The following RGS7 variants were observed in gnomAD, a reference collection of about 807,000 sequenced individuals.
RGS7 encodes the protein regulator of G-protein signaling 7.
A neutral mutation model predicts 81.1 loss-of-function variants in RGS7; 27 were observed. The observed-to-expected ratio is 0.33, with a 90% CI of 0.25 to 0.46. The LOEUF is 0.46. RGS7 is among the 20% of genes least tolerant of loss of function. The pLI is 1.00. For synonymous variants in RGS7, 208 were observed against 207.7 expected (o/e 1.00, Z -0.01); for missense variants, 396 against 607.4 (o/e 0.65, Z 3.66).
intron 3 of RGS7, among the ~76,000 whole-genome samples, chr1:241,057,017 T>C (rs371123442): frequency 6.6e-6 from 1 of 152,128 alleles, no homozygotes; most frequent in Non-Finnish European, 1.5e-5. Context: ...ACACCGTTGA[T>C]ATATGACTAT....
intron 2 of RGS7, among the ~76,000 whole-genome samples, chr1:241,263,262 G>C (rs2148295977): frequency 6.6e-6 from 1 of 152,130 alleles, no homozygotes; most frequent in East Asian, 1.9e-4. Flanking sequence ...GGGTGACAGA[G>C]CCAGACTCCA....
intron 6 of RGS7, 105 bp from the exon 7 acceptor site, chr1:240,870,224 G>T: frequency 1.1e-6 from 1 of 934,332 alleles, no homozygotes. Flanking sequence ...TTCCCAAGTT[G>T]TAATTTTTGA....
intron 2 of RGS7, among the ~76,000 whole-genome samples, chr1:241,109,623 C>T (rs535839335): frequency 6.6e-6 from 1 of 152,090 alleles, no homozygotes; most frequent in Non-Finnish European, 1.5e-5. Context: ...ACCAACAGGA[C>T]GTATTACTTT....
chr1:240,776,705 G>T (rs983881879), intron 18 of RGS7, among the ~76,000 whole-genome samples: 21 of 152,240 alleles, frequency 1.4e-4, no homozygotes, highest in Middle Eastern at 3.4e-3. Context: ...TAAATAAAAT[G>T]CAGTTTTTGA....
intron 2 of RGS7, among the ~76,000 whole-genome samples, chr1:241,238,150 G>T (rs571655891): frequency 6.6e-6 from 1 of 152,282 alleles, no homozygotes; most frequent in South Asian, 2.1e-4. Context: ...GTGAGGAAGT[G>T]TTGTGCAGGT....
intron 9 of RGS7, among the ~76,000 whole-genome samples, chr1:240,841,770 T>C (rs1044768713): frequency 9.2e-5 from 14 of 152,184 alleles, no homozygotes; most frequent in Admixed American, 3.3e-4. Context: ...CATTCAACCT[T>C]AGCTCGAATG....
At chr1:240,810,445 CTTT>C (rs5782164) in intron 14 of RGS7, among the ~76,000 whole-genome samples, 51,220 of 124,192 alleles carry the variant, frequency 0.41, 10,429 homozygotes, top group Non-Finnish European at 0.51. Context: ...TTAATGCATT[CTTT>C]TTTTTTTTTT....
intron 3 of RGS7, chr1:240,998,919 T>C (rs1174342935): frequency 5.5e-6 from 2 of 362,036 alleles, no homozygotes; most frequent in Non-Finnish European, 1.1e-5. Flanking sequence ...CTTTCATAAC[T>C]CCAATGGCAC....
At chr1:241,046,904 T>C (rs2148791054) in intron 3 of RGS7, among the ~76,000 whole-genome samples, 1 of 152,248 alleles carries the variant, frequency 6.6e-6, no homozygotes, top group Non-Finnish European at 1.5e-5. Context: ...AAATGTTACG[T>C]TCTACTGCCC....
chr1:240,782,510 C>T (rs1279292370), intron 18 of RGS7, among the ~76,000 whole-genome samples: 3 of 152,136 alleles, frequency 2.0e-5, no homozygotes, highest in African/African-American at 7.2e-5. Context: ...GCAGCTTCGA[C>T]CTCCCAGGCT....
At chr1:240,951,249 G>A (rs569449898) in intron 4 of RGS7, among the ~76,000 whole-genome samples, 3 of 152,048 alleles carry the variant, frequency 2.0e-5, no homozygotes, top group African/African-American at 7.2e-5. Context: ...AAATTACAAG[G>A]CAGGCAAAAA....
chr1:241,039,792 G>A (rs1327480928), intron 3 of RGS7, among the ~76,000 whole-genome samples: 1 of 151,842 alleles, frequency 6.6e-6, no homozygotes, highest in Non-Finnish European at 1.5e-5. Flanking sequence ...GGTGACGATG[G>A]CAGAGCCATA....
intron 2 of RGS7, among the ~76,000 whole-genome samples, chr1:241,258,202 G>A (rs2077138883): frequency 6.6e-6 from 1 of 152,004 alleles, no homozygotes; most frequent in African/African-American, 2.4e-5. Flanking sequence ...TATGGAAATG[G>A]AATTAATTGC....
chr1:241,194,374 TC>T (rs2072913961), intron 2 of RGS7, among the ~76,000 whole-genome samples: 1 of 152,184 alleles, frequency 6.6e-6, no homozygotes, highest in Non-Finnish European at 1.5e-5. Flanking sequence ...TATAATAGAC[TC>T]TTGGACTTGA....
At chr1:241,067,973 T>C (rs2062168729) in intron 3 of RGS7, among the ~76,000 whole-genome samples, 2 of 151,346 alleles carry the variant, frequency 1.3e-5, no homozygotes, top group Admixed American at 1.3e-4. Context: ...AGACAGAGAG[T>C]ATGTGATGGG....
intron 9 of RGS7, among the ~76,000 whole-genome samples, chr1:240,830,721 T>C (rs1276545478): frequency 6.6e-6 from 1 of 152,194 alleles, no homozygotes; most frequent in East Asian, 1.9e-4. Context: ...CTGAGGAAGC[T>C]GAACTAATTT....
intron 4 of RGS7, among the ~76,000 whole-genome samples, chr1:240,968,866 A>G (rs576685859): frequency 1.8e-4 from 27 of 152,320 alleles, no homozygotes; most frequent in African/African-American, 6.5e-4. Flanking sequence ...GTTTCATGAA[A>G]TATGACATAG....
At chr1:241,275,615 C>A (rs1436694166) in intron 2 of RGS7, among the ~76,000 whole-genome samples, 1 of 152,148 alleles carries the variant, frequency 6.6e-6, no homozygotes, top group Admixed American at 6.5e-5. Context: ...GATGGGAAAA[C>A]AGGAGTTAAG....
At chr1:240,829,278 G>C (rs1383967527) in intron 9 of RGS7, among the ~76,000 whole-genome samples, 1 of 152,114 alleles carries the variant, frequency 6.6e-6, no homozygotes, top group Non-Finnish European at 1.5e-5. Context: ...TGGTCAGCTT[G>C]GCAGTGTAGG....
Sources: gnomAD v4.1 joint callset for allele counts (sites outside exome capture counted in the v4.1 genomes callset) on GRCh38, gnomAD v4.1.1 for gene constraint, MANE v1.5 for transcripts, NCBI Gene and HGNC (gene_info 2026-07-23, HGNC 2026-07-21) for gene names.